UNC13A: variants seen among roughly 807,000 people sequenced by gnomAD.
UNC13A encodes the protein protein unc-13 homolog A.
UNC13A carries 61 observed loss-of-function variants against 219.7 expected under a neutral mutation model. That is an observed-to-expected ratio of 0.28 (90% CI 0.23 to 0.34). The LOEUF is 0.34. UNC13A is among the 10% of genes least tolerant of loss of function. UNC13A has a pLI of 1.00. For synonymous variants in UNC13A, 920 were observed against 884.6 expected (o/e 1.04, Z -0.71); for missense variants, 1,476 against 2,270.3 (o/e 0.65, Z 7.11).
chr19:17,666,778 T>C, intron 6 of UNC13A, 74 bp from the exon 7 acceptor site: 1 of 1,221,676 alleles, frequency 8.2e-7, no homozygotes, highest in South Asian at 2.2e-5. Context: ...TAGTCCTCTG[T>C]TCTGTCCCAT....
intron 7 of UNC13A, among the ~76,000 whole-genome samples, chr19:17,664,802 G>T (rs1020218896): frequency 6.6e-6 from 1 of 152,262 alleles, no homozygotes; most frequent in African/African-American, 2.4e-5. Flanking sequence ...AGTATCCCAA[G>T]CCCTCCTCAA....
rs1373975333 is a variant in UNC13A, at chr19:17,649,640, G to C, written c.1440-53C>G. The C allele has an allele frequency of 1.9e-6, 3 of 1,598,854 alleles. No individual in the cohort carries two copies. Among genetic ancestry groups the C allele is most frequent in the Admixed American group, 3.3e-5 (2 of 59,916 alleles). On this transcript the variant is annotated intron_variant, in intron 12 of 43. Transcript: ENST00000519716. This position sits in a 1 kb window ranked among gnomAD's most constrained non-coding sequence, Gnocchi z 4.4. Reference sequence around the variant, plus strand: ...CCCAGATGTCCCTATTCCTCACATAGAGCCCTGGGGAGAACATTCAACCTC... The same window carrying C: ...CCCAGATGTCCCTATTCCTCACATACAGCCCTGGGGAGAACATTCAACCTC...
intron 36 of UNC13A, 143 bp from the exon 37 acceptor site, chr19:17,622,013 TTGTGTG>T: frequency 1.2e-6 from 1 of 810,616 alleles, no homozygotes; most frequent in Non-Finnish European, 2.1e-6. Flanking sequence ...GATAGTGTGT[TTGTGTG>T]TGTGTCTGTG....
chr19:17,647,151 C>A (rs768931888), intron 17 of UNC13A, 114 bp downstream of exon 17: 52 of 1,005,804 alleles, frequency 5.2e-5, no homozygotes, highest in Non-Finnish European at 6.8e-5. Context: ...TGGAATGCAC[C>A]CGACCGAGTG....
At chr19:17,620,890 C>A (rs990860457) in intron 37 of UNC13A, among the ~76,000 whole-genome samples, 168 bp from the exon 38 acceptor site, 1 of 151,946 alleles carries the variant, frequency 6.6e-6, no homozygotes, top group East Asian at 1.9e-4. Flanking sequence ...CTCCTCTGGT[C>A]CCCTAGCAGG....
intron 5 of UNC13A, 98 bp from the exon 6 acceptor site, chr19:17,668,288 G>T: frequency 8.4e-7 from 1 of 1,192,022 alleles, no homozygotes; most frequent in Non-Finnish European, 1.2e-6. Context: ...CCTGGCTTCT[G>T]GGGTCTTTGG....
intron 41 of UNC13A, among the ~76,000 whole-genome samples, chr19:17,615,195 C>G (rs1465642220): frequency 1.3e-5 from 2 of 152,116 alleles, no homozygotes; most frequent in Non-Finnish European, 2.9e-5. Context: ...TTCAGTTTCC[C>G]CAAGAAGGCT....
At chr19:17,607,701 A>G (rs2076548816) in intron 43 of UNC13A, among the ~76,000 whole-genome samples, 1 of 149,890 alleles carries the variant, frequency 6.7e-6, no homozygotes, top group Admixed American at 6.7e-5. Flanking sequence ...TTCCTGCCCC[A>G]GCCTCCCAGG....
chr19:17,647,802 C>G (rs1020582817), intron 16 of UNC13A, among the ~76,000 whole-genome samples: 2 of 102,658 alleles, frequency 1.9e-5, no homozygotes, highest in Non-Finnish European at 3.9e-5. Context: ...CCCTCTGAGT[C>G]CCCGCCCCCT....
chr19:17,645,009 C>CTTTT (rs3049769), intron 19 of UNC13A, among the ~76,000 whole-genome samples: 10 of 126,606 alleles, frequency 7.9e-5, no homozygotes, highest in Non-Finnish European at 1.6e-5. Context: ...AGCCTGGATT[C>CTTTT]TTTTTTTTTT....
chr19:17,611,633 G>A lies in UNC13A; in HGVS notation c.4651+130C>T. On this transcript the variant is annotated intron_variant, in intron 42 of 43. Coordinates refer to ENST00000519716, the MANE Select transcript of UNC13A (RefSeq NM_001080421.3). Reference sequence around the variant, plus strand: ...CTGGATCCAGCCATGCCTGAAGGTGGCCACCTTTGGACGTTTCCGTTTCAT... The same window carrying A: ...CTGGATCCAGCCATGCCTGAAGGTGACCACCTTTGGACGTTTCCGTTTCAT... The A allele has an allele frequency of 5.3e-6, 4 of 749,012 alleles. No individual in the cohort carries two copies. The Admixed American group carries it at 7.1e-5, about 13-fold the overall frequency. 46.4% of individuals were successfully genotyped at this position (749,012 alleles called of 1,614,324 possible).
chr19:17,621,965 C>A, intron 36 of UNC13A, 95 bp from the exon 37 acceptor site: 1 of 1,245,916 alleles, frequency 8.0e-7, no homozygotes, highest in Non-Finnish European at 1.2e-6. Context: ...ATGGGGGAAT[C>A]CACACTGCAC....
In UNC13A at chr19:17,674,743, C is replaced by T. The variant is rs559576905; in HGVS notation, c.66G>A (p.Thr22=). The T allele has an allele frequency of 1.4e-5, 22 of 1,613,792 alleles. No homozygotes were observed. The highest frequency in any genetic ancestry group is 8.9e-5 in the East Asian group (4 of 44,894). The change falls in exon 3 of 44, where the codon ACG becomes ACA. Residue 22 remains threonine (T), a synonymous_variant. Transcript: ENST00000519716. The surrounding 1 kb of genome is among the most constrained non-coding windows in gnomAD (Gnocchi z 5.0). ...CATTCTGCACTTTCAGGGTCACGTA[C>T]GTGTTGAATTTCTCTGTGGCAGTGA... ...KFDGAQEKFN[T]YVTLKVQNVK... is the part of the protein sequence containing the mutation.
chr19:17,655,331 G>A lies in UNC13A; in HGVS notation c.1335C>T (p.Ser445=), dbSNP rs773537291. The A allele has an allele frequency of 5.7e-6, 9 of 1,592,452 alleles. No homozygotes were observed. The East Asian group carries it at 1.8e-4, about 32-fold the overall frequency. The change falls in exon 11 of 44, where the codon TCC becomes TCT. Residue 445 remains serine, a synonymous_variant. Transcript: ENST00000519716. ...EEGQEGQDSM[S]RAKANWLRAF... is the part of the protein sequence containing the mutation. Reference sequence around the variant, plus strand: ...CACGCAGCCAGTTGGCCTTGGCCCTGGACATGGAGTCCTGCCCCTCCTGGC... The same window carrying A: ...CACGCAGCCAGTTGGCCTTGGCCCTAGACATGGAGTCCTGCCCCTCCTGGC...
chr19:17,647,103 G>GC (rs1201535530), intron 17 of UNC13A, among the ~76,000 whole-genome samples, 162 bp downstream of exon 17: 1 of 152,198 alleles, frequency 6.6e-6, no homozygotes, highest in African/African-American at 2.4e-5. Context: ...TTGGAGGCAC[G>GC]CATGTCCCCC....
chr19:17,628,161 A>G (rs1333258353), intron 31 of UNC13A: 3 of 527,202 alleles, frequency 5.7e-6, no homozygotes, highest in Non-Finnish European at 6.8e-6. Flanking sequence ...AGGAGGACTC[A>G]AGTAATCCCA....
chr19:17,631,437 G>C (rs2076854102), intron 28 of UNC13A, among the ~76,000 whole-genome samples: 1 of 151,356 alleles, frequency 6.6e-6, no homozygotes, highest in Admixed American at 6.6e-5. Flanking sequence ...GTGTTGCCCA[G>C]GCAGGCCTTG....
chr19:17,681,069 CTTTTTT>C (rs71929988), intron 1 of UNC13A, among the ~76,000 whole-genome samples: 3 of 96,080 alleles, frequency 3.1e-5, no homozygotes, highest in Admixed American at 1.3e-4. Context: ...TTGGCTATTC[CTTTTTT>C]TTTTTTTTTT....
chr19:17,634,349 T>G (rs1202317333), intron 26 of UNC13A, among the ~76,000 whole-genome samples: 1 of 152,204 alleles, frequency 6.6e-6, no homozygotes, highest in Non-Finnish European at 1.5e-5. Flanking sequence ...TTCCTTTTTT[T>G]TTATTTAGAG....
Sources: allele counts gnomAD v4.1 joint callset (sites outside exome capture counted in the v4.1 genomes callset), GRCh38; gene constraint gnomAD v4.1.1; non-coding constraint Gnocchi (gnomAD v3.1); transcripts MANE v1.5; gene names NCBI Gene and HGNC (gene_info 2026-07-23, HGNC 2026-07-21).